Variants in ZNF366 observed in about 807,000 individuals in gnomAD.
ZNF366 encodes the protein dendritic cell-specific transcript protein.
In ZNF366, 20 loss-of-function variants were observed where a neutral mutation model predicts 47.2. That is an observed-to-expected ratio of 0.42 (90% CI 0.30 to 0.62). ZNF366 has a LOEUF of 0.62. Among genes scored for constraint, ZNF366 ranks in the 20% least tolerant of loss-of-function variants. The pLI, the probability that ZNF366 is intolerant of heterozygous loss-of-function variation, is 0.16. For missense variants in ZNF366, 987 were observed against 976.3 expected, an observed-to-expected ratio of 1.01 and a Z score of -0.15; for synonymous variants, 421 against 395.1, an observed-to-expected ratio of 1.07 and a Z score of -0.78.
intron 1 of ZNF366, among the ~76,000 whole-genome samples, chr5:72,462,579 T>A (rs1447021014): frequency 7.4e-6 from 1 of 134,398 alleles, no homozygotes; most frequent in Admixed American, 7.2e-5. Flanking sequence ...GGAGTCTGGC[T>A]CTGTTGCCCA....
intron 1 of ZNF366, among the ~76,000 whole-genome samples, chr5:72,482,900 T>G (rs1743817468): frequency 6.6e-6 from 1 of 152,078 alleles, no homozygotes; most frequent in Non-Finnish European, 1.5e-5. Context: ...CAGTTTGGCA[T>G]GCTGAGTGTG....
At chr5:72,444,712 G>A (rs1386255247) in intron 4 of ZNF366, among the ~76,000 whole-genome samples, 1 of 151,942 alleles carries the variant, frequency 6.6e-6, no homozygotes, top group East Asian at 1.9e-4. Context: ...TATGCATAGG[G>A]GATGTAGAGA....
At chr5:72,479,429 A>AAAAATT (rs1173664988) in intron 1 of ZNF366, among the ~76,000 whole-genome samples, 1 of 151,972 alleles carries the variant, frequency 6.6e-6, no homozygotes, top group Non-Finnish European at 1.5e-5. Context: ...ATTAAAAATT[A>AAAAATT]AAAAAAGAAA....
At chr5:72,447,459 G>C in intron 3 of ZNF366, 42 bp from the exon 4 acceptor site, 1 of 1,608,028 alleles carries the variant, frequency 6.2e-7, no homozygotes, top group Non-Finnish European at 8.5e-7. Flanking sequence ...CTCTGCCCGA[G>C]TGAAGCCCCA....
intron 1 of ZNF366, among the ~76,000 whole-genome samples, chr5:72,465,107 TTACAG>T (rs2112332254): frequency 6.6e-6 from 1 of 152,228 alleles, no homozygotes; most frequent in South Asian, 2.1e-4. Flanking sequence ...AGGGAAATTT[TTACAG>T]ACATTTAAAA....
intron 1 of ZNF366, among the ~76,000 whole-genome samples, chr5:72,471,474 A>G (rs1438897127): frequency 6.6e-6 from 1 of 152,190 alleles, no homozygotes; most frequent in Non-Finnish European, 1.5e-5. Context: ...AAGGAAATAG[A>G]AGAATCTGGT....
intron 1 of ZNF366, among the ~76,000 whole-genome samples, chr5:72,499,081 A>G (rs1744162431): frequency 1.3e-5 from 2 of 152,186 alleles, no homozygotes; most frequent in South Asian, 4.1e-4. Flanking sequence ...CCTTCTGCAA[A>G]ATGATGCAGT....
In ZNF366 at chr5:72,461,081, T is replaced by G. The variant is rs138804880; in HGVS notation, c.416A>C (p.Tyr139Ser). 6.2e-7 allele frequency: 1 copy of G among 1,613,908 alleles called. No homozygotes were observed. Among genetic ancestry groups the G allele is most frequent in the Admixed American group, 1.7e-5 (1 of 59,996 alleles). Residue 139 changes from tyrosine to serine, a missense_variant, in exon 2 of 5, where the codon TAC becomes TCC. Tyr to Ser is a moderately radical substitution (Grantham distance 144). Coordinates refer to ENST00000318442, the MANE Select transcript of ZNF366 (RefSeq NM_152625.3). ...GCCCCCAAAGTGTTCCAGGCTGCGGTAGAATTGGAAGCCCACGTTGCACAG... is the reference window on the plus strand; with the variant it reads ...GCCCCCAAAGTGTTCCAGGCTGCGGGAGAATTGGAAGCCCACGTTGCACAG... ...IDLCNVGFQF[Y>S]RSLEHFGGKP...
intron 1 of ZNF366, among the ~76,000 whole-genome samples, chr5:72,467,367 T>TAAAACC (rs1485294321): frequency 7.2e-5 from 11 of 152,308 alleles, no homozygotes; most frequent in Admixed American, 2.0e-4. Flanking sequence ...GAATGAATTT[T>TAAAACC]AAAACCAAAA....
rs1048292417 is a variant in ZNF366, at chr5:72,507,327, C to T, written c.-91G>A. 1 of 985,448 alleles carries T rather than the reference C, an allele frequency of 1.0e-6. No individual in the cohort carries two copies. Among genetic ancestry groups the T allele is most frequent in the Non-Finnish European group, 1.2e-6 (1 of 830,058 alleles). 61.0% of individuals were successfully genotyped at this position (985,448 alleles called of 1,614,324 possible). On this transcript the variant is annotated 5_prime_UTR_variant, in exon 1 of 5. Transcript: ENST00000318442. ...CTGCTCTCTCTGTCTCTCTCCCTCT[C>T]TCTCTCCCTCTTTCTCTTGTGTACA...
At chr5:72,491,162 A>G (rs1008112201) in intron 1 of ZNF366, among the ~76,000 whole-genome samples, 2 of 152,244 alleles carry the variant, frequency 1.3e-5, no homozygotes, top group African/African-American at 4.8e-5. Flanking sequence ...ATAGTATGCA[A>G]GTTGGCCTAG....
intron 1 of ZNF366, among the ~76,000 whole-genome samples, chr5:72,488,567 G>C (rs575337326): frequency 6.6e-6 from 1 of 152,174 alleles, no homozygotes; most frequent in African/African-American, 2.4e-5. Flanking sequence ...CAAAGATACC[G>C]CTTCTTTTCA....
intron 1 of ZNF366, among the ~76,000 whole-genome samples, chr5:72,495,829 C>T (rs112175217): frequency 3.9e-4 from 60 of 152,282 alleles, no homozygotes; most frequent in African/African-American, 1.4e-3. Flanking sequence ...GTCTCAACCA[C>T]CCCACCCCAC....
At chr5:72,479,514 C>A (rs1743744289) in intron 1 of ZNF366, among the ~76,000 whole-genome samples, 1 of 151,878 alleles carries the variant, frequency 6.6e-6, no homozygotes, top group African/African-American at 2.4e-5. Context: ...TTTTTTTCAA[C>A]ATATGACAAA....
intron 1 of ZNF366, among the ~76,000 whole-genome samples, chr5:72,487,038 G>A (rs1019451569): frequency 6.6e-6 from 1 of 152,188 alleles, no homozygotes; most frequent in Admixed American, 6.5e-5. Context: ...GCCTCCCAAA[G>A]TGCTGGGATT....
At chr5:72,464,809 C>T (rs1262207183) in intron 1 of ZNF366, among the ~76,000 whole-genome samples, 1 of 152,072 alleles carries the variant, frequency 6.6e-6, no homozygotes, top group African/African-American at 2.4e-5. Flanking sequence ...GCCTGTAATC[C>T]CAGCAATTTG....
intron 2 of ZNF366, among the ~76,000 whole-genome samples, chr5:72,458,053 G>C (rs1227234988): frequency 9.3e-6 from 1 of 107,016 alleles, no homozygotes; most frequent in Non-Finnish European, 1.7e-5. Context: ...ATCTCACTCT[G>C]TTGCCCAGGC....
intron 4 of ZNF366, 75 bp downstream of exon 4, chr5:72,447,168 G>A: frequency 1.3e-6 from 2 of 1,531,472 alleles, no homozygotes; most frequent in Middle Eastern, 1.7e-4. Context: ...TCAAGGTAAT[G>A]CCCCATAAAA....
At chr5:72,456,919 G>T (rs1743200043) in intron 2 of ZNF366, among the ~76,000 whole-genome samples, 3 of 152,014 alleles carry the variant, frequency 2.0e-5, no homozygotes, top group Admixed American at 6.5e-5. Flanking sequence ...TTTAGTAAGA[G>T]CACTATGGGC....
Sources: allele counts gnomAD v4.1 joint callset (sites outside exome capture counted in the v4.1 genomes callset), GRCh38; gene constraint gnomAD v4.1.1; transcripts MANE v1.5; gene names NCBI Gene and HGNC (gene_info 2026-07-23, HGNC 2026-07-21).